The following CREB5 variants were observed in gnomAD, a reference collection of about 807,000 sequenced individuals.
CREB5 encodes the protein cyclic AMP-responsive element-binding protein 5.
In CREB5, 19 loss-of-function variants were observed where a neutral mutation model predicts 57.1. The observed-to-expected ratio is 0.33, with a 90% CI of 0.23 to 0.49. The LOEUF (loss-of-function observed/expected upper bound fraction) is 0.49. Ranked by LOEUF, CREB5 falls within the 20% of genes least tolerant of loss-of-function variation. The pLI, the probability that CREB5 is intolerant of heterozygous loss-of-function variation, is 0.99. For missense variants in CREB5, 579 were observed against 671.6 expected, an observed-to-expected ratio of 0.86 and a Z score of 1.52; for synonymous variants, 238 against 238.3, an observed-to-expected ratio of 1.00 and a Z score of 0.01.
At chr7:28,413,737 T>C (rs1318141707) in intron 1 of CREB5, among the ~76,000 whole-genome samples, 1 of 152,194 alleles carries the variant, frequency 6.6e-6, no homozygotes, top group East Asian at 1.9e-4. Flanking sequence ...ATCTCTGTTA[T>C]GTCACAGCTT....
chr7:28,697,638 C>G (rs565242029), intron 5 of CREB5, among the ~76,000 whole-genome samples: 341 of 152,182 alleles, frequency 2.2e-3, no homozygotes, highest in South Asian at 5.6e-3. Context: ...AAAATGCAAT[C>G]TGATTTATTT....
chr7:28,622,257 T>TCACACACA (rs879826524), intron 5 of CREB5, among the ~76,000 whole-genome samples: 1 of 139,222 alleles, frequency 7.2e-6, no homozygotes, highest in African/African-American at 2.9e-5. Flanking sequence ...TCTCTCTCTC[T>TCACACACA]CTCACACACA....
chr7:28,573,005 G>A (rs1795762851), intron 5 of CREB5, among the ~76,000 whole-genome samples: 1 of 152,170 alleles, frequency 6.6e-6, no homozygotes, highest in Non-Finnish European at 1.5e-5. Flanking sequence ...TGTTTGCCAT[G>A]TTGATTCAAA....
chr7:28,311,082 C>T (rs573334928), intron 1 of CREB5, among the ~76,000 whole-genome samples: 9 of 132,354 alleles, frequency 6.8e-5, no homozygotes, highest in Non-Finnish European at 1.2e-4. Flanking sequence ...TCACGAGGGT[C>T]AGGAGATCAA....
chr7:28,403,799 C>T (rs1024503281), intron 1 of CREB5, among the ~76,000 whole-genome samples: 5 of 152,008 alleles, frequency 3.3e-5, no homozygotes, highest in Admixed American at 6.5e-5. Context: ...AAAGTGCCAC[C>T]GAAGATAATA....
chr7:28,745,845 A>G (rs1804657661), intron 7 of CREB5, among the ~76,000 whole-genome samples: 1 of 152,188 alleles, frequency 6.6e-6, no homozygotes, highest in South Asian at 2.1e-4. Flanking sequence ...GCTGTCTTTT[A>G]AGAGACCAGC....
chr7:28,507,634 C>A lies in CREB5; in HGVS notation c.188C>A (p.Thr63Lys). 3 of 1,610,458 alleles carry A rather than the reference C, an allele frequency of 1.9e-6. No homozygotes were observed. The highest frequency in any genetic ancestry group is 2.5e-6 in the Non-Finnish European group (3 of 1,177,434). Reference sequence around the variant, plus strand: ...TTTTCAGATCAAACTCCGACCCCAACGAGATTCCTGAAGAACTGCGAGGAG... The same window carrying A: ...TTTTCAGATCAAACTCCGACCCCAAAGAGATTCCTGAAGAACTGCGAGGAG... Reference protein sequence around the residue: ...NMLSDQTPTPTRFLKNCEEVG... With the variant: ...NMLSDQTPTPKRFLKNCEEVG... Residue 63 changes from threonine to lysine, a missense_variant, in exon 4 of 11, where the codon ACG becomes AAG. By Grantham distance (78) the Thr-to-Lys change is moderately conservative. Around this residue, in one of 3 missense-constraint regions of CREB5, gnomAD observed 459 missense variants for 515.7 expected, o/e 0.89. Transcript: ENST00000357727.
chr7:28,448,033 T>C (rs570248476), intron 1 of CREB5, among the ~76,000 whole-genome samples: 1 of 152,280 alleles, frequency 6.6e-6, no homozygotes, highest in East Asian at 1.9e-4. Flanking sequence ...AGATTAACAT[T>C]TGAGTCAGTG....
chr7:28,787,929 G>A (rs1807431681), intron 7 of CREB5, among the ~76,000 whole-genome samples: 1 of 152,156 alleles, frequency 6.6e-6, no homozygotes, highest in Non-Finnish European at 1.5e-5. Flanking sequence ...GCTTCATTAA[G>A]TACAGAGAGG....
At position 28,544,736 on chromosome 7, in the gene CREB5, G is replaced by C. The variant is rs556669655; in HGVS notation, c.292-25629G>C. Among the ~76,000 whole-genome samples, 353 of 152,282 alleles carry C rather than the reference G, an allele frequency of 2.3e-3. 1 individual carries two copies. The highest frequency in any genetic ancestry group is 8.3e-3 in the African/African-American group (343 of 41,538). ...AGAACTGACCTTTGGGAAGCACACT[G>C]TTGCCTCTTTGCAGATGCTACCTAT... On this transcript the variant is annotated intron_variant, in intron 4 of 10. Transcript: ENST00000357727.
intron 1 of CREB5, among the ~76,000 whole-genome samples, chr7:28,320,854 C>T (rs1398835535): frequency 6.6e-6 from 1 of 152,176 alleles, no homozygotes; most frequent in Non-Finnish European, 1.5e-5. Context: ...AAAGTGGATA[C>T]ATATTCTGAA....
intron 4 of CREB5, among the ~76,000 whole-genome samples, chr7:28,543,365 A>G (rs1375472984): frequency 1.3e-5 from 2 of 152,188 alleles, no homozygotes; most frequent in African/African-American, 4.8e-5. Context: ...TCCACAAAAA[A>G]TATTATGCAT....
intron 4 of CREB5, among the ~76,000 whole-genome samples, chr7:28,529,966 T>C (rs928103354): frequency 5.3e-5 from 8 of 152,222 alleles, no homozygotes; most frequent in Non-Finnish European, 8.8e-5. Flanking sequence ...AAATTATCTC[T>C]TATCATCACA....
At chr7:28,360,827 TGG>T (rs1473133583) in intron 1 of CREB5, among the ~76,000 whole-genome samples, 1 of 152,218 alleles carries the variant, frequency 6.6e-6, no homozygotes, top group African/African-American at 2.4e-5. Context: ...GGTACTGGTC[TGG>T]GAGCAATCAT....
At chr7:28,491,147 C>G in intron 2 of CREB5, 1 of 901,034 alleles carries the variant, frequency 1.1e-6, no homozygotes, top group Non-Finnish European at 1.3e-6. Flanking sequence ...GAGCACTAGG[C>G]AGTGACGGGA....
chr7:28,686,322 T>C, intron 5 of CREB5: 2 of 695,058 alleles, frequency 2.9e-6, no homozygotes, highest in Non-Finnish European at 5.0e-6. Context: ...TCTCCCTTTC[T>C]GCCCGTCTTT....
At chr7:28,303,142 C>A (rs1022661948) in intron 1 of CREB5, among the ~76,000 whole-genome samples, 215 of 129,758 alleles carry the variant, frequency 1.7e-3, no homozygotes, top group African/African-American at 2.2e-3. Context: ...AACTCCATCT[C>A]AAAAAAAAAA....
At chr7:28,516,580 C>G (rs947821010) in intron 4 of CREB5, among the ~76,000 whole-genome samples, 4 of 152,200 alleles carry the variant, frequency 2.6e-5, no homozygotes, top group African/African-American at 9.7e-5. Flanking sequence ...GCCCTGCCCT[C>G]CCATCAGGCA....
Position 28,555,109 on chromosome 7 carries a change from T to TTGTGTGTGTGTGTGTGTGTGTGTGTGTG in CREB5, c.292-15239_292-15238insGTGTGTGTGTGTGTGTGTGTGTGTGTGT, listed in dbSNP as rs58647223. 9.6e-4 allele frequency among the ~76,000 whole-genome samples: 143 copies of TTGTGTGTGTGTGTGTGTGTGTGTGTGTG among 148,910 alleles called. No homozygotes were observed. The East Asian group carries it at 9.7e-3, about 10-fold the overall frequency. On this transcript the variant is annotated intron_variant, in intron 4 of 10. Transcript: ENST00000357727. ...AGTTGTCATAGATCTATAAGCTGCA[T>TTGTGTGTGTGTGTGTGTGTGTGTGTGTG]TGTGTGTGTGTGTGTGTAAATAAAA... is the stretch of plus-strand genomic sequence containing the variant.
Sources: gnomAD v4.1 joint callset for allele counts (sites outside exome capture counted in the v4.1 genomes callset) on GRCh38, gnomAD v4.1.1 for gene constraint, gnomAD v4.1.1 regional missense constraint, MANE v1.5 for transcripts, NCBI Gene and HGNC (gene_info 2026-07-23, HGNC 2026-07-21) for gene names.